Variants in ADAMTSL1 observed in about 807,000 individuals in gnomAD.
ADAMTSL1 encodes ADAMTS-like protein 1.
In ADAMTSL1, 126 loss-of-function variants were observed where a neutral mutation model predicts 201.8. The observed-to-expected ratio is 0.62, with a 90% CI of 0.54 to 0.72. The LOEUF (loss-of-function observed/expected upper bound fraction) is 0.72, where lower values mean the gene tolerates loss of function less well. ADAMTSL1 is among the 30% of genes least tolerant of loss of function. The pLI is 0.00. For missense variants in ADAMTSL1, 2,679 were observed against 2,277.8 expected (o/e 1.18, Z -3.59); for synonymous variants, 1,121 against 903.4 (o/e 1.24, Z -4.32).
intron 2 of ADAMTSL1, among the ~76,000 whole-genome samples, chr9:18,513,678 A>T (rs942473552): frequency 1.3e-5 from 2 of 152,124 alleles, no homozygotes; most frequent in African/African-American, 4.8e-5. Context: ...TCTATGGTGA[A>T]ATTTTGATAG....
At chr9:18,627,978 TTA>T (rs1252671367) in intron 5 of ADAMTSL1, among the ~76,000 whole-genome samples, 1 of 152,210 alleles carries the variant, frequency 6.6e-6, no homozygotes, top group Non-Finnish European at 1.5e-5. Flanking sequence ...TGGGAGTTCT[TTA>T]TATATACTAG....
chr9:18,577,107 T>A (rs1822784353), intron 4 of ADAMTSL1, among the ~76,000 whole-genome samples: 1 of 152,234 alleles, frequency 6.6e-6, no homozygotes, highest in Non-Finnish European at 1.5e-5. Flanking sequence ...TTATTAATTC[T>A]ATGTATTGAA....
chr9:18,898,347 C>G (rs577573107), intron 26 of ADAMTSL1, among the ~76,000 whole-genome samples: 2 of 152,306 alleles, frequency 1.3e-5, no homozygotes, highest in Admixed American at 1.3e-4. Flanking sequence ...AGCTGGAAAA[C>G]ACAACACGAG....
intron 1 of ADAMTSL1, among the ~76,000 whole-genome samples, chr9:18,040,536 G>C (rs763273818): frequency 6.6e-6 from 1 of 152,152 alleles, no homozygotes; most frequent in Non-Finnish European, 1.5e-5. Flanking sequence ...CGAAATGTCT[G>C]TGCATAGTAG....
At chr9:18,272,972 AG>A (rs1425265756) in intron 2 of ADAMTSL1, among the ~76,000 whole-genome samples, 3 of 152,236 alleles carry the variant, frequency 2.0e-5, no homozygotes, top group Admixed American at 1.3e-4. Context: ...TGAATTATAA[AG>A]TAACAGTGGG....
chr9:18,205,475 TGG>T (rs1829611577), intron 2 of ADAMTSL1, among the ~76,000 whole-genome samples: 1 of 151,880 alleles, frequency 6.6e-6, no homozygotes, highest in African/African-American at 2.4e-5. Context: ...TGAGTAAATC[TGG>T]GAAAAAAAAA....
At chr9:18,152,012 T>C (rs1289777575) in intron 1 of ADAMTSL1, among the ~76,000 whole-genome samples, 6 of 152,096 alleles carry the variant, frequency 3.9e-5, no homozygotes, top group African/African-American at 1.4e-4. Context: ...TGGTATATAT[T>C]ACCAAACTCT....
At chr9:18,798,299 T>C (rs545586173) in intron 20 of ADAMTSL1, among the ~76,000 whole-genome samples, 2 of 152,312 alleles carry the variant, frequency 1.3e-5, no homozygotes, top group South Asian at 4.1e-4. Context: ...ATCCTGGCTC[T>C]GTCACTTCCT....
Position 18,018,921 on chromosome 9 carries a change from G to A in ADAMTSL1, c.87+111999G>A, listed in dbSNP as rs565817351. The stretch of plus-strand genomic sequence containing the variant: ...AACAAATACATAAAATGTGGGAGTG[G>A]CTTTGGAACCAGGTAGTGGGCAGAA... On this transcript the variant is annotated intron_variant, in intron 1 of 29. Transcript: ENST00000680146. 6.6e-5 allele frequency among the ~76,000 whole-genome samples: 10 copies of A among 152,160 alleles called. No individual in the cohort carries two copies. The South Asian group carries it at 2.1e-3, about 32-fold the overall frequency.
chr9:18,459,371 G>A (rs771506276), intron 2 of ADAMTSL1, among the ~76,000 whole-genome samples: 14 of 152,048 alleles, frequency 9.2e-5, no homozygotes, highest in Non-Finnish European at 1.5e-5. Context: ...TACCACTCTC[G>A]ATCCTAGTTT....
intron 2 of ADAMTSL1, among the ~76,000 whole-genome samples, chr9:18,172,191 G>A (rs908454773): frequency 6.6e-6 from 1 of 151,900 alleles, no homozygotes; most frequent in African/African-American, 2.4e-5. Context: ...ATGGGTTGAT[G>A]GGTGCAGCAA....
At chr9:18,793,207 CGATT>C in intron 19 of ADAMTSL1, 1 of 152,338 alleles carries the variant, frequency 6.6e-6, no homozygotes, top group Middle Eastern at 3.4e-3. Context: ...ATATATAACT[CGATT>C]GATTGATGGA....
intron 7 of ADAMTSL1, chr9:18,651,489 C>G (rs932797320): frequency 1.3e-5 from 2 of 152,196 alleles, no homozygotes; most frequent in African/African-American, 4.8e-5. Context: ...TCTAAGCTAC[C>G]AAAGTAGCAG....
intron 1 of ADAMTSL1, among the ~76,000 whole-genome samples, chr9:18,129,508 T>G (rs1479517543): frequency 6.6e-6 from 1 of 152,176 alleles, no homozygotes; most frequent in African/African-American, 2.4e-5. Flanking sequence ...CCTAATTATC[T>G]TTTCAATATC....
intron 2 of ADAMTSL1, among the ~76,000 whole-genome samples, chr9:18,332,047 C>G (rs1020879060): frequency 6.6e-6 from 1 of 152,104 alleles, no homozygotes; most frequent in Non-Finnish European, 1.5e-5. Flanking sequence ...TTCTCCAGCC[C>G]TGGGATTGAG....
chr9:18,841,249 G>T (rs1475647658), intron 23 of ADAMTSL1, among the ~76,000 whole-genome samples: 1 of 151,994 alleles, frequency 6.6e-6, no homozygotes, highest in Non-Finnish European at 1.5e-5. Context: ...AGCATGAAGG[G>T]TTGTTGAATT....
intron 1 of ADAMTSL1, among the ~76,000 whole-genome samples, chr9:18,482,659 G>C (rs1425730550): frequency 1.3e-5 from 2 of 152,190 alleles, no homozygotes; most frequent in Non-Finnish European, 2.9e-5. Context: ...TGTTCCCATA[G>C]TAAGGTATGG....
chr9:17,953,991 G>A (rs73416865), intron 1 of ADAMTSL1, among the ~76,000 whole-genome samples: 3 of 152,082 alleles, frequency 2.0e-5, no homozygotes, highest in Non-Finnish European at 4.4e-5. Context: ...TCTACATCAC[G>A]TGCCTATTTA....
chr9:18,617,025 T>C (rs989509272), intron 4 of ADAMTSL1, among the ~76,000 whole-genome samples: 1 of 152,220 alleles, frequency 6.6e-6, no homozygotes, highest in African/African-American at 2.4e-5. Context: ...TGGTCAGATT[T>C]GCACAGTTTA....
Sources: allele counts gnomAD v4.1 joint callset (sites outside exome capture counted in the v4.1 genomes callset), GRCh38; gene constraint gnomAD v4.1.1; transcripts MANE v1.5; gene names NCBI Gene and HGNC (gene_info 2026-07-23, HGNC 2026-07-21).